Variants in WDR7 observed in about 807,000 individuals in gnomAD.
WDR7 encodes WD repeat-containing protein 7.
A neutral mutation model predicts 169.4 loss-of-function variants in WDR7; 46 were observed. The ratio of observed to expected loss-of-function variants is 0.27; its 90% CI spans 0.21 to 0.35. WDR7 has a LOEUF of 0.35. Ranked by LOEUF, WDR7 falls within the 10% of genes least tolerant of loss-of-function variation. The pLI is 1.00. For synonymous variants in WDR7, 612 were observed against 666.8 expected (o/e 0.92, Z 1.27); for missense variants, 1,534 against 1,859.3 (o/e 0.83, Z 3.22).
At chr18:56,662,020 A>G (rs2024914537) in intron 1 of WDR7, among the ~76,000 whole-genome samples, 1 of 152,216 alleles carries the variant, frequency 6.6e-6, no homozygotes, top group South Asian at 2.1e-4. Flanking sequence ...CAAACTTCTC[A>G]TTCTTCTTTC....
intron 14 of WDR7, among the ~76,000 whole-genome samples, chr18:56,736,027 T>G (rs1026722224): frequency 1.3e-5 from 2 of 152,192 alleles, no homozygotes; most frequent in Non-Finnish European, 2.9e-5. Flanking sequence ...GTTAAGAGCC[T>G]GGGTTCTGGT....
chr18:56,804,248 G>A (rs2044727912), intron 19 of WDR7, among the ~76,000 whole-genome samples: 1 of 152,056 alleles, frequency 6.6e-6, no homozygotes, highest in African/African-American at 2.4e-5. Context: ...AGATTAAACT[G>A]GATTTGAGCC....
intron 21 of WDR7, among the ~76,000 whole-genome samples, chr18:56,902,580 T>C (rs930286039): frequency 3.3e-5 from 5 of 152,210 alleles, no homozygotes; most frequent in African/African-American, 1.2e-4. Context: ...TAAGGACTAT[T>C]GTATCAAATA....
chr18:56,784,750 C>T (rs745967849), intron 19 of WDR7, among the ~76,000 whole-genome samples: 1 of 152,076 alleles, frequency 6.6e-6, no homozygotes, highest in Non-Finnish European at 1.5e-5. Flanking sequence ...GTAGGCTGTT[C>T]TTATGTCATA....
At chr18:56,962,325 A>G in intron 25 of WDR7, 105 bp from the exon 26 acceptor site, 2 of 670,020 alleles carry the variant, frequency 3.0e-6, no homozygotes, top group Non-Finnish European at 5.1e-6. Flanking sequence ...CAAAATATAT[A>G]TCAGAGCTGG....
intron 21 of WDR7, among the ~76,000 whole-genome samples, chr18:56,896,010 A>G (rs1459513081): frequency 6.6e-6 from 1 of 151,816 alleles, no homozygotes; most frequent in Non-Finnish European, 1.5e-5. Flanking sequence ...ACTGGTTACT[A>G]TTTTGGGCAC....
At chr18:56,791,432 T>C (rs1353428842) in intron 19 of WDR7, among the ~76,000 whole-genome samples, 1 of 152,206 alleles carries the variant, frequency 6.6e-6, no homozygotes, top group East Asian at 1.9e-4. Context: ...ATCTTGGATA[T>C]GAAGTAGAGA....
intron 19 of WDR7, among the ~76,000 whole-genome samples, chr18:56,783,162 T>TAAAA (rs5825204): frequency 1.3e-5 from 2 of 148,526 alleles, no homozygotes; most frequent in Non-Finnish European, 3.0e-5. Context: ...CAAATTAAGT[T>TAAAA]AAAAAAAAAA....
chr18:56,991,947 T>C lies in WDR7; in HGVS notation c.4165-28798T>C, dbSNP rs529096240. On this transcript the variant is annotated intron_variant, in intron 26 of 27. Coordinates refer to ENST00000254442, the MANE Select transcript of WDR7 (RefSeq NM_015285.3). ...TATTATTTTTGTTACAAATGTATTTTGCCTGATTTTTAATATTCTCCATTT... is the reference window on the plus strand; with the variant it reads ...TATTATTTTTGTTACAAATGTATTTCGCCTGATTTTTAATATTCTCCATTT... Among the ~76,000 whole-genome samples, 7 of 152,384 alleles carry C rather than the reference T, an allele frequency of 4.6e-5. No homozygotes were observed. In the South Asian group the frequency reaches 1.4e-3, roughly 32 times the overall value.
rs1365306508 is a variant in WDR7, at chr18:56,694,606, C to CT, written c.967-6dup. ...AAATACAGCTAAAGATATTCAAATA[C>CT]TTTTTTTGGCAGTTGCTAATTTGTC... On this transcript the variant is annotated splice_polypyrimidine_tract_variant and intron_variant, in intron 9 of 27. Transcript: ENST00000254442. 3.8e-6 allele frequency: 6 copies of CT among 1,598,230 alleles called. No homozygotes were observed. Among genetic ancestry groups the CT allele is most frequent in the African/African-American group, 2.7e-5 (2 of 74,556 alleles).
intron 20 of WDR7, among the ~76,000 whole-genome samples, chr18:56,858,994 G>C (rs1470133079): frequency 9.9e-5 from 15 of 152,106 alleles, no homozygotes; most frequent in Admixed American, 9.8e-4. Flanking sequence ...GAAGACGGTG[G>C]CCATGAGGGG....
chr18:56,768,788 C>T (rs564123242), intron 16 of WDR7, among the ~76,000 whole-genome samples: 2 of 152,258 alleles, frequency 1.3e-5, no homozygotes, highest in African/African-American at 2.4e-5. Flanking sequence ...CATGAATATG[C>T]GTCTTTTCAA....
Position 56,938,575 on chromosome 18 carries a change from C to T in WDR7, c.3874C>T (p.Gln1292Ter). The T allele has an allele frequency of 6.2e-7, 1 of 1,613,766 alleles. No homozygotes were observed. Among genetic ancestry groups the T allele is most frequent in the African/African-American group, 1.3e-5 (1 of 74,982 alleles). ...TALAANTQSQ[Q>*]NMHTTTLARA... ...TCTTGCAGCAAATACCCAATCACAG[C>T]AGAATATGCACACAACAACTCTTGC... Residue 1292 changes from glutamine (Q) to a stop codon, truncating the protein, a stop_gained, in exon 24 of 28, where the codon CAG (glutamine) becomes TAG (stop). Transcript: ENST00000254442. LOFTEE classifies it high-confidence loss of function.
rs774889740 is a variant in WDR7, at chr18:56,837,143, C to T, written c.3304+20999C>T. Reference sequence around the variant, plus strand: ...TAACCATTTGCATTTGAAAAACAAACGTGACCATTGCTGTCAATATAATTG... The same window carrying T: ...TAACCATTTGCATTTGAAAAACAAATGTGACCATTGCTGTCAATATAATTG... On this transcript the variant is annotated intron_variant, in intron 20 of 27. Coordinates refer to ENST00000254442, the MANE Select transcript of WDR7 (RefSeq NM_015285.3). Among the ~76,000 whole-genome samples, 19 of 152,280 alleles carry T rather than the reference C, an allele frequency of 1.2e-4. No individual in the cohort carries two copies. In the South Asian group the frequency reaches 2.1e-3, roughly 17 times the overall value.
At chr18:56,911,967 TA>T (rs1297064778) in intron 21 of WDR7, among the ~76,000 whole-genome samples, 2 of 152,174 alleles carry the variant, frequency 1.3e-5, no homozygotes, top group Non-Finnish European at 1.5e-5. Flanking sequence ...CGCGAATGGA[TA>T]AAAAACTGAG....
chr18:56,693,686 C>T (rs1285302829), intron 9 of WDR7, among the ~76,000 whole-genome samples: 2 of 148,446 alleles, frequency 1.3e-5, no homozygotes, highest in South Asian at 4.4e-4. Context: ...ATTCTCCTGC[C>T]TCAGCCTCCC....
chr18:56,907,155 A>G (rs1034159593), intron 21 of WDR7, among the ~76,000 whole-genome samples: 1 of 152,208 alleles, frequency 6.6e-6, no homozygotes, highest in Non-Finnish European at 1.5e-5. Context: ...TGGGGTGACC[A>G]TCTGTTTCCT....
chr18:57,005,074 A>C (rs1169460044), intron 26 of WDR7, among the ~76,000 whole-genome samples: 1 of 152,200 alleles, frequency 6.6e-6, no homozygotes, highest in Non-Finnish European at 1.5e-5. Context: ...ATAAATTAAA[A>C]ATCTGTATTT....
chr18:56,984,328 C>CA (rs2047684541), intron 26 of WDR7, among the ~76,000 whole-genome samples: 1 of 152,124 alleles, frequency 6.6e-6, no homozygotes, highest in Non-Finnish European at 1.5e-5. Flanking sequence ...AGCAAAGTGT[C>CA]AGTTACAAAA....
Sources: allele counts gnomAD v4.1 joint callset (sites outside exome capture counted in the v4.1 genomes callset), GRCh38; gene constraint gnomAD v4.1.1; transcripts MANE v1.5; gene names NCBI Gene and HGNC (gene_info 2026-07-23, HGNC 2026-07-21).